The following PBLD variants were observed in gnomAD, a reference collection of about 807,000 sequenced individuals.
PBLD encodes the protein phenazine biosynthesis like protein domain containing, also known as phenazine biosynthesis-like domain-containing protein.
In PBLD, 26 loss-of-function variants were observed where a neutral mutation model predicts 31.3. The ratio of observed to expected loss-of-function variants is 0.83; its 90% CI spans 0.61 to 1.15. The LOEUF is 1.15. Among genes scored for constraint, PBLD ranks in the 50% most tolerant of loss-of-function variants. PBLD has a pLI of 0.00. For missense variants in PBLD, 307 were observed against 351.7 expected, an observed-to-expected ratio of 0.87 and a Z score of 1.02; for synonymous variants, 114 against 129.0, an observed-to-expected ratio of 0.88 and a Z score of 0.79.
At chr10:68,317,087 T>C (rs891735750) in intron 1 of PBLD, among the ~76,000 whole-genome samples, 1 of 152,084 alleles carries the variant, frequency 6.6e-6, no homozygotes, top group Non-Finnish European at 1.5e-5. Context: ...GGACCTTCAA[T>C]AAGATTAACA....
At chr10:68,305,396 A>G (rs905409626) in intron 2 of PBLD, among the ~76,000 whole-genome samples, 3 of 151,444 alleles carry the variant, frequency 2.0e-5, no homozygotes, top group African/African-American at 7.3e-5. Flanking sequence ...TATAGGCAAG[A>G]GCCACCACAC....
intron 2 of PBLD, among the ~76,000 whole-genome samples, chr10:68,301,192 G>T (rs528808573): frequency 6.6e-6 from 1 of 151,988 alleles, no homozygotes; most frequent in African/African-American, 2.4e-5. Context: ...CACCGCACCC[G>T]CCCATTCTCT....
intron 9 of PBLD, chr10:68,285,080 C>T (rs2044269625): frequency 7.7e-7 from 1 of 1,294,764 alleles, no homozygotes; most frequent in Non-Finnish European, 9.8e-7. Flanking sequence ...CCTCTCTGGG[C>T]CAAAGTTATA....
At chr10:68,298,047 C>T (rs898277912) in intron 2 of PBLD, among the ~76,000 whole-genome samples, 2 of 151,680 alleles carry the variant, frequency 1.3e-5, no homozygotes, top group Non-Finnish European at 2.9e-5. Context: ...AGGAAGATTG[C>T]TTGAGACCAG....
intron 6 of PBLD, among the ~76,000 whole-genome samples, chr10:68,290,585 CGCATGCCTGTAATCTCA>C (rs2044347311): frequency 1.3e-5 from 2 of 152,026 alleles, no homozygotes; most frequent in African/African-American, 4.8e-5. Context: ...GGCATGGTGG[CGCATGCCTGTAATCTCA>C]GCTACTTGCG....
chr10:68,331,292 A>C (rs2045073158), intron 1 of PBLD: 1 of 152,268 alleles, frequency 6.6e-6, no homozygotes, highest in Non-Finnish European at 1.5e-5. Flanking sequence ...CTATAAAAAA[A>C]ACCCAACGTC....
intron 2 of PBLD, among the ~76,000 whole-genome samples, chr10:68,303,861 G>A (rs2044541557): frequency 6.6e-6 from 1 of 151,570 alleles, no homozygotes; most frequent in Admixed American, 6.6e-5. Flanking sequence ...CTTAAAATCT[G>A]AGGTATTTTT....
intron 1 of PBLD, among the ~76,000 whole-genome samples, chr10:68,311,978 C>G (rs2044675536): frequency 6.6e-6 from 1 of 152,176 alleles, no homozygotes; most frequent in African/African-American, 2.4e-5. Context: ...ATTCAAAATT[C>G]AAAGTACTGT....
intron 1 of PBLD, among the ~76,000 whole-genome samples, chr10:68,308,677 T>C (rs577400251): frequency 1.6e-4 from 24 of 150,154 alleles, no homozygotes; most frequent in Non-Finnish European, 2.7e-4. Flanking sequence ...GCCTCCCAAG[T>C]AGCTGGGATT....
At chr10:68,290,515 C>G (rs1466896102) in intron 6 of PBLD, among the ~76,000 whole-genome samples, 1 of 152,080 alleles carries the variant, frequency 6.6e-6, no homozygotes, top group Non-Finnish European at 1.5e-5. Flanking sequence ...CTCAGGAGTT[C>G]GAGACCAGCC....
chr10:68,311,455 G>A (rs990404413), intron 1 of PBLD, among the ~76,000 whole-genome samples: 1 of 152,084 alleles, frequency 6.6e-6, no homozygotes, highest in South Asian at 2.1e-4. Flanking sequence ...GTGTGGTGGC[G>A]GGCGCCTGTA....
At chr10:68,287,271 C>T (rs977080408) in intron 8 of PBLD, 8 of 152,202 alleles carry the variant, frequency 5.3e-5, no homozygotes, top group Admixed American at 5.2e-4. Context: ...GTCCAAAGGC[C>T]TTTATACTCT....
chr10:68,308,000 C>G (rs1391974804), intron 1 of PBLD, among the ~76,000 whole-genome samples: 1 of 151,990 alleles, frequency 6.6e-6, no homozygotes, highest in Non-Finnish European at 1.5e-5. Flanking sequence ...TCTGGATGTA[C>G]AGCTTTTATC....
At chr10:68,320,184 T>C (rs1292900973) in intron 1 of PBLD, among the ~76,000 whole-genome samples, 1 of 152,070 alleles carries the variant, frequency 6.6e-6, no homozygotes, top group Admixed American at 6.6e-5. Context: ...AAAAAAGATA[T>C]GCCATGAAAA....
chr10:68,288,976 G>A lies in PBLD; in HGVS notation c.467C>T (p.Pro156Leu). Residue 156 changes from proline (P) to leucine (L), a missense_variant, in exon 7 of 10, where the codon CCA (proline) becomes CTA (leucine). Coordinates refer to ENST00000358769, the MANE Select transcript of PBLD (RefSeq NM_022129.4). ...GCGGACGAGGAGCTTTTGGGTATCTGGAGAATAACAGATGTCCTGGACCAG... is the reference window on the plus strand; with the variant it reads ...GCGGACGAGGAGCTTTTGGGTATCTAGAGAATAACAGATGTCCTGGACCAG... ...NTLVQDICYS[P>L]DTQKLLVRLS... is the part of the protein sequence containing the mutation. 6.2e-7 allele frequency: 1 copy of A among 1,614,182 alleles called. No individual in the cohort carries two copies. The highest frequency in any genetic ancestry group is 1.1e-5 in the South Asian group (1 of 91,078).
chr10:68,313,367 T>C (rs1411537559), intron 1 of PBLD, among the ~76,000 whole-genome samples: 2 of 152,212 alleles, frequency 1.3e-5, no homozygotes, highest in African/African-American at 4.8e-5. Context: ...ATTTTTTGTT[T>C]TGTTGCCTGA....
chr10:68,331,431 A>G (rs2134585493), intron 1 of PBLD: 1 of 152,390 alleles, frequency 6.6e-6, no homozygotes, highest in African/African-American at 2.4e-5. Flanking sequence ...TACACCCAAG[A>G]AACCCGGATC....
intron 1 of PBLD, among the ~76,000 whole-genome samples, chr10:68,312,110 A>G (rs2044677180): frequency 6.6e-6 from 1 of 152,270 alleles, no homozygotes; most frequent in Admixed American, 6.5e-5. Context: ...AGGAACAGTT[A>G]GGTTGATTCC....
chr10:68,306,132 A>G (rs1209692485), intron 2 of PBLD, among the ~76,000 whole-genome samples: 3 of 123,562 alleles, frequency 2.4e-5, no homozygotes, highest in Admixed American at 1.9e-4. Context: ...ATATTTAACT[A>G]TTCTATTAAT....
Sources: allele counts gnomAD v4.1 joint callset (sites outside exome capture counted in the v4.1 genomes callset), GRCh38; gene constraint gnomAD v4.1.1; transcripts MANE v1.5; gene names NCBI Gene and HGNC (gene_info 2026-07-23, HGNC 2026-07-21).